Variants in ENTREP2 observed in about 807,000 individuals in gnomAD.
ENTREP2 encodes endosomal transmembrane epsin interactor 2.
chr15:29,621,152 G>T, the ENTREP2 span, among the ~76,000 whole-genome samples: 5 of 152,018 alleles, frequency 3.3e-5, no homozygotes, highest in African/African-American at 1.2e-4. Flanking sequence ...CACTTTGGGA[G>T]GCCGAGGCAG....
chr15:29,651,278 A>G, the ENTREP2 span, among the ~76,000 whole-genome samples: 1 of 152,186 alleles, frequency 6.6e-6, no homozygotes, highest in African/African-American at 2.4e-5. Context: ...TGCAAACTAG[A>G]TTTTCAAAAA....
At chr15:29,653,348 A>G in the ENTREP2 span, among the ~76,000 whole-genome samples, 15 of 152,038 alleles carry the variant, frequency 9.9e-5, no homozygotes, top group African/African-American at 2.9e-4. Flanking sequence ...TCTAACCCTT[A>G]TATCGATTTG....
the ENTREP2 span, among the ~76,000 whole-genome samples, chr15:29,573,602 A>G: frequency 1.4e-5 from 2 of 144,072 alleles, no homozygotes; most frequent in Non-Finnish European, 3.0e-5. Flanking sequence ...ATATTTGTCT[A>G]TTCTCTCTCT....
chr15:29,666,498 C>T, the ENTREP2 span, among the ~76,000 whole-genome samples: 121 of 152,116 alleles, frequency 8.0e-4, 1 homozygote, highest in East Asian at 0.023. Flanking sequence ...GTCTTCTCTC[C>T]CAAATTCTAT....
chr15:29,271,832 TGAGA>T, the ENTREP2 span, among the ~76,000 whole-genome samples: 6 of 152,152 alleles, frequency 3.9e-5, no homozygotes, highest in Non-Finnish European at 8.8e-5. Flanking sequence ...ACTCGGTGTC[TGAGA>T]GATTTTGTCT....
At chr15:29,518,664 T>C in the ENTREP2 span, among the ~76,000 whole-genome samples, 1 of 151,968 alleles carries the variant, frequency 6.6e-6, no homozygotes, top group African/African-American at 2.4e-5. Context: ...TGGAGCCAGA[T>C]GAGGTCAACA....
At chr15:29,463,842 T>A in the ENTREP2 span, among the ~76,000 whole-genome samples, 1 of 152,140 alleles carries the variant, frequency 6.6e-6, no homozygotes, top group Non-Finnish European at 1.5e-5. Flanking sequence ...ATACAAAATG[T>A]GGCACAGACA....
chr15:29,509,537 T>C, the ENTREP2 span, among the ~76,000 whole-genome samples: 3 of 152,120 alleles, frequency 2.0e-5, no homozygotes, highest in Non-Finnish European at 4.4e-5. Context: ...AACAGCATGG[T>C]ACTGGTACCA....
the ENTREP2 span, chr15:29,195,439 C>G: frequency 2.4e-6 from 1 of 409,868 alleles, no homozygotes; most frequent in African/African-American, 2.2e-5. Flanking sequence ...TCCCTACACA[C>G]ATGCTAGAAC....
the ENTREP2 span, among the ~76,000 whole-genome samples, chr15:29,224,395 C>A: frequency 1.3e-5 from 2 of 152,104 alleles, no homozygotes; most frequent in African/African-American, 2.4e-5. Flanking sequence ...GGAACTGCGC[C>A]GGGTTGCCAC....
the ENTREP2 span, among the ~76,000 whole-genome samples, chr15:29,221,503 T>G: frequency 6.6e-6 from 1 of 152,126 alleles, no homozygotes; most frequent in Non-Finnish European, 1.5e-5. Context: ...ACCGACACTT[T>G]CAAGGACAGC....
chr15:29,253,498 A>C, the ENTREP2 span, among the ~76,000 whole-genome samples: 2 of 144,116 alleles, frequency 1.4e-5, no homozygotes, highest in Non-Finnish European at 3.0e-5. Context: ...GCTGGAGTGC[A>C]GTGGCACAAT....
At chr15:29,647,192 G>C in the ENTREP2 span, among the ~76,000 whole-genome samples, 2 of 152,194 alleles carry the variant, frequency 1.3e-5, no homozygotes, top group African/African-American at 2.4e-5. Context: ...ATGAGCAAAA[G>C]CTCTGTTAAT....
chr15:29,232,030 C>T, the ENTREP2 span, among the ~76,000 whole-genome samples: 1 of 151,878 alleles, frequency 6.6e-6, no homozygotes, highest in Admixed American at 6.6e-5. Context: ...GCTGGGATTA[C>T]AGGCGTGGGC....
the ENTREP2 span, among the ~76,000 whole-genome samples, chr15:29,124,092 C>A: frequency 6.6e-6 from 1 of 152,156 alleles, no homozygotes; most frequent in African/African-American, 2.4e-5. Context: ...GACCGCCCCC[C>A]CCATCATGCC....
At chr15:29,426,060 TTAAA>T in the ENTREP2 span, among the ~76,000 whole-genome samples, 5 of 151,252 alleles carry the variant, frequency 3.3e-5, no homozygotes, top group South Asian at 4.1e-4. Flanking sequence ...ATTTTAATAA[TTAAA>T]TAATTGATTT....
At chr15:29,601,366 T>C in the ENTREP2 span, among the ~76,000 whole-genome samples, 1 of 152,156 alleles carries the variant, frequency 6.6e-6, no homozygotes, top group Admixed American at 6.5e-5. Context: ...ATTTTCCCCT[T>C]TGTGCTTTCA....
At chr15:29,206,623 T>C in the ENTREP2 span, among the ~76,000 whole-genome samples, 1 of 152,130 alleles carries the variant, frequency 6.6e-6, no homozygotes, top group East Asian at 1.9e-4. Flanking sequence ...TTAGCAGTTG[T>C]CTGGGACTCA....
chr15:29,556,410 T>A, the ENTREP2 span, among the ~76,000 whole-genome samples: 1 of 152,264 alleles, frequency 6.6e-6, no homozygotes, highest in Admixed American at 6.5e-5. Context: ...TCAGAGAGAT[T>A]AAAGAATTAG....
Sources: gnomAD v4.1 joint callset for allele counts (sites outside exome capture counted in the v4.1 genomes callset) on GRCh38, gnomAD v4.1.1 for gene constraint, MANE v1.5 for transcripts, NCBI Gene and HGNC (gene_info 2026-07-23, HGNC 2026-07-21) for gene names.